Variants in WDR7 observed in about 807,000 individuals in gnomAD.
WDR7 encodes the protein WD repeat domain 7.
WDR7 carries 46 observed loss-of-function variants against 169.4 expected under a neutral mutation model. The observed-to-expected ratio is 0.27, with a 90% CI of 0.21 to 0.35. The LOEUF (loss-of-function observed/expected upper bound fraction) is 0.35. Among genes scored for constraint, WDR7 ranks in the 10% least tolerant of loss-of-function variants. WDR7 has a pLI of 1.00. For synonymous variants in WDR7, 612 were observed against 666.8 expected (o/e 0.92, Z 1.27); for missense variants, 1,534 against 1,859.3 (o/e 0.83, Z 3.22).
At chr18:56,691,863 A>G (rs758887929) in intron 9 of WDR7, 46 bp downstream of exon 9, 6 of 1,422,594 alleles carry the variant, frequency 4.2e-6, no homozygotes, top group Non-Finnish European at 5.9e-6. Flanking sequence ...TACATTGAAA[A>G]ACTTCTACAA....
chr18:56,923,698 T>A (rs1034951415), intron 21 of WDR7, among the ~76,000 whole-genome samples: 1 of 152,228 alleles, frequency 6.6e-6, no homozygotes, highest in African/African-American at 2.4e-5. Context: ...CAATATGTAA[T>A]TAAAACACTT....
At chr18:56,796,807 T>C (rs1228953142) in intron 19 of WDR7, among the ~76,000 whole-genome samples, 1 of 152,128 alleles carries the variant, frequency 6.6e-6, no homozygotes, top group Non-Finnish European at 1.5e-5. Flanking sequence ...TTCCATGGCA[T>C]GGAAGAAAAA....
chr18:56,720,323 G>T (rs942194584), intron 13 of WDR7, among the ~76,000 whole-genome samples: 4 of 151,254 alleles, frequency 2.6e-5, no homozygotes, highest in Non-Finnish European at 5.9e-5. Flanking sequence ...GGGGGCACAT[G>T]CCTGTGTCCC....
At chr18:56,653,536 G>A (rs949964933) in intron 1 of WDR7, among the ~76,000 whole-genome samples, 8 of 151,972 alleles carry the variant, frequency 5.3e-5, no homozygotes, top group Non-Finnish European at 8.8e-5. Flanking sequence ...TCTAATTCCC[G>A]CTGTTTTCTC....
chr18:56,784,326 G>A (rs140839046), intron 19 of WDR7, among the ~76,000 whole-genome samples: 1 of 152,088 alleles, frequency 6.6e-6, no homozygotes, highest in African/African-American at 2.4e-5. Flanking sequence ...GGAGTGTAAG[G>A]TGGTAAAGTG....
At chr18:56,989,724 A>G (rs1470043086) in intron 26 of WDR7, among the ~76,000 whole-genome samples, 1 of 152,156 alleles carries the variant, frequency 6.6e-6, no homozygotes, top group Non-Finnish European at 1.5e-5. Context: ...ATTTGTCTCA[A>G]TAGAGTATTT....
intron 1 of WDR7, among the ~76,000 whole-genome samples, chr18:56,669,707 T>A (rs917439271): frequency 3.9e-5 from 6 of 152,138 alleles, no homozygotes; most frequent in African/African-American, 1.4e-4. Flanking sequence ...AGAGTTTCTA[T>A]TAAAGTTAAC....
chr18:56,688,815 A>G (rs1281828993), intron 7 of WDR7, among the ~76,000 whole-genome samples: 4 of 152,092 alleles, frequency 2.6e-5, no homozygotes, highest in Non-Finnish European at 4.4e-5. Context: ...AGATAAGAGT[A>G]TCTAGTACCA....
At chr18:56,902,004 C>G (rs6566841) in intron 21 of WDR7, among the ~76,000 whole-genome samples, 124,319 of 152,042 alleles carry the variant, frequency 0.82, 51,213 homozygotes, top group East Asian at 0.98. Flanking sequence ...TTAAGTGCTA[C>G]AGAAGAGTTT....
intron 20 of WDR7, among the ~76,000 whole-genome samples, chr18:56,854,303 T>A (rs181930973): frequency 6.6e-6 from 1 of 152,360 alleles, no homozygotes; most frequent in Non-Finnish European, 1.5e-5. Context: ...ATTAATTTGC[T>A]AAAGTGGCTT....
At chr18:56,942,470 A>G (rs575642070) in intron 25 of WDR7, among the ~76,000 whole-genome samples, 2 of 152,338 alleles carry the variant, frequency 1.3e-5, no homozygotes, top group East Asian at 1.9e-4. Flanking sequence ...AATAAAGGGC[A>G]TAAATAAAGA....
At chr18:56,883,209 C>CAAA (rs767585796) in intron 21 of WDR7, among the ~76,000 whole-genome samples, 4 of 55,432 alleles carry the variant, frequency 7.2e-5, no homozygotes, top group African/African-American at 9.6e-5. Context: ...GACTCCGTCT[C>CAAA]AAAAAAAAAA....
At chr18:56,794,599 G>A (rs1201216420) in intron 19 of WDR7, among the ~76,000 whole-genome samples, 2 of 151,874 alleles carry the variant, frequency 1.3e-5, no homozygotes, top group African/African-American at 2.4e-5. Context: ...GTGAGCCACC[G>A]TGCCCGGCCA....
At chr18:56,906,561 G>A (rs1405600860) in intron 21 of WDR7, among the ~76,000 whole-genome samples, 1 of 72,758 alleles carries the variant, frequency 1.4e-5, no homozygotes, top group Non-Finnish European at 2.8e-5. Flanking sequence ...TTTTTTTTTT[G>A]AGATGGAATT....
intron 21 of WDR7, among the ~76,000 whole-genome samples, chr18:56,919,696 C>T (rs1568266896): frequency 6.6e-6 from 1 of 152,068 alleles, no homozygotes; most frequent in Non-Finnish European, 1.5e-5. Flanking sequence ...CAGAGCTACA[C>T]CTAACCACTT....
intron 20 of WDR7, among the ~76,000 whole-genome samples, chr18:56,834,277 G>T (rs1480240368): frequency 6.6e-6 from 1 of 152,146 alleles, no homozygotes; most frequent in Non-Finnish European, 1.5e-5. Context: ...TATGGAAGTG[G>T]CCTCCCATGA....
chr18:56,814,038 G>A (rs1211195338), intron 19 of WDR7, among the ~76,000 whole-genome samples: 2 of 152,186 alleles, frequency 1.3e-5, no homozygotes, highest in East Asian at 3.8e-4. Context: ...GTCCCCAGGA[G>A]CTTAGTCCCT....
At chr18:57,024,093 T>C (rs1392110394) in intron 27 of WDR7, among the ~76,000 whole-genome samples, 3 of 152,216 alleles carry the variant, frequency 2.0e-5, no homozygotes, top group Non-Finnish European at 2.9e-5. Flanking sequence ...TACCAAAATT[T>C]TAACAGTGAC....
chr18:56,805,449 T>C (rs902418042), intron 19 of WDR7, among the ~76,000 whole-genome samples: 5 of 152,194 alleles, frequency 3.3e-5, no homozygotes, highest in African/African-American at 9.6e-5. Context: ...GAGTTTTAGA[T>C]TGTAGACCTT....
Sources: allele counts gnomAD v4.1 joint callset (sites outside exome capture counted in the v4.1 genomes callset), GRCh38; gene constraint gnomAD v4.1.1; transcripts MANE v1.5; gene names NCBI Gene and HGNC (gene_info 2026-07-23, HGNC 2026-07-21).